Variants in TEKT5 observed in about 807,000 individuals in gnomAD.
TEKT5 encodes tektin-5.
Under a neutral mutation model 48.7 loss-of-function variants are expected in TEKT5, and 52 were observed. The ratio of observed to expected loss-of-function variants is 1.07; its 90% confidence interval spans 0.86 to 1.35. The LOEUF (loss-of-function observed/expected upper bound fraction) is 1.35, where lower values mean the gene tolerates loss of function less well. TEKT5 is among the 40% of genes most tolerant of loss of function. The pLI is 0.00. For missense variants in TEKT5, 831 were observed against 641.6 expected (o/e 1.30, Z -3.19); for synonymous variants, 318 against 267.6 (o/e 1.19, Z -1.84).
In TEKT5 at chr16:10,686,292, C is replaced by A. The variant is rs531674826; in HGVS notation, c.719+2961G>T. ...CTCACACTGCAGACAAAAATCAACT[C>A]AAAATAGATTAAAGATTAGCTGGGC... is the stretch of plus-strand genomic sequence containing the variant. On this transcript the variant is annotated intron_variant, in intron 3 of 6. Transcript: ENST00000283025. 1.1e-4 allele frequency among the ~76,000 whole-genome samples: 17 copies of A among 152,058 alleles called. No individual in the cohort carries two copies. The East Asian group carries it at 2.5e-3, about 22-fold the overall frequency.
intron 5 of TEKT5, among the ~76,000 whole-genome samples, chr16:10,669,669 G>T (rs961112323): frequency 2.0e-5 from 3 of 152,112 alleles, no homozygotes; most frequent in African/African-American, 4.8e-5. Context: ...TTTCTCCATA[G>T]AAGTATCCCT....
rs188094996 is a variant in TEKT5, at chr16:10,678,194, G to A, written c.864-2013C>T. Among the ~76,000 whole-genome samples the A allele has an allele frequency of 5.4e-3, 818 of 152,254 alleles. 4 individuals are homozygous for A. Among genetic ancestry groups the A allele is most frequent in the Non-Finnish European group, 6.4e-3 (436 of 68,024 alleles). ...GCTCACTGCAACCTCTGTCTCCCAC[G>A]TTCAAGCAATTCTCCTGCCTCAGCC... On this transcript the variant is annotated intron_variant, in intron 4 of 6. Coordinates refer to ENST00000283025, the MANE Select transcript of TEKT5 (RefSeq NM_144674.2).
At chr16:10,670,715 A>C (rs2541505) in intron 5 of TEKT5, among the ~76,000 whole-genome samples, 46,900 of 151,964 alleles carry the variant, frequency 0.31, 8,808 homozygotes, top group East Asian at 0.54. Context: ...GGTGCATTTC[A>C]GATGGGTGCT....
chr16:10,644,064 A>G (rs1466159619), intron 5 of TEKT5, among the ~76,000 whole-genome samples: 3 of 152,188 alleles, frequency 2.0e-5, no homozygotes, highest in African/African-American at 7.2e-5. Context: ...AAAATAACAT[A>G]AAATCAATTT....
At chr16:10,679,204 T>C (rs1898702166) in intron 4 of TEKT5, among the ~76,000 whole-genome samples, 1 of 152,138 alleles carries the variant, frequency 6.6e-6, no homozygotes, top group African/African-American at 2.4e-5. Flanking sequence ...AGATGTTGCA[T>C]ATGAAGCTGT....
chr16:10,681,042 C>CA (rs35641359), intron 4 of TEKT5, among the ~76,000 whole-genome samples: 27,399 of 125,042 alleles, frequency 0.22, 3,443 homozygotes, highest in East Asian at 0.51. Context: ...AGAAAAATAC[C>CA]AAAAAAAAAA....
intron 5 of TEKT5, among the ~76,000 whole-genome samples, chr16:10,642,323 T>C (rs1898006386): frequency 2.0e-5 from 3 of 152,124 alleles, no homozygotes; most frequent in Non-Finnish European, 4.4e-5. Context: ...GCATTCACTG[T>C]CCACCAGGCC....
intron 3 of TEKT5, among the ~76,000 whole-genome samples, chr16:10,688,978 G>A (rs369602301): frequency 2.4e-4 from 37 of 152,310 alleles, no homozygotes; most frequent in African/African-American, 8.4e-4. Flanking sequence ...CGATGCACGG[G>A]TTGTGAGAGT....
intron 5 of TEKT5, among the ~76,000 whole-genome samples, chr16:10,644,304 A>G (rs537249173): frequency 6.6e-6 from 1 of 152,158 alleles, no homozygotes; most frequent in African/African-American, 2.4e-5. Flanking sequence ...CCCAGAGAGG[A>G]GCTGTAAACA....
chr16:10,663,941 T>G (rs1298339440), intron 5 of TEKT5, among the ~76,000 whole-genome samples: 1 of 152,210 alleles, frequency 6.6e-6, no homozygotes, highest in Admixed American at 6.5e-5. Context: ...GGCCAGCACA[T>G]GCATCAGCTG....
Position 10,694,547 on chromosome 16 carries a change from C to T in TEKT5, c.327G>A (p.Arg109=), listed in dbSNP as rs753620303. 2 of 1,605,388 alleles carry T rather than the reference C, an allele frequency of 1.2e-6. No individual in the cohort carries two copies. The highest frequency in any genetic ancestry group is 1.7e-5 in the Admixed American group (1 of 59,280). Residue 109 remains arginine (R), a synonymous_variant, in exon 1 of 7, where the codon CGG becomes CGA. Transcript: ENST00000283025. ...QLQVRGAEAS[R]LWASRLTDDS... is the part of the protein sequence containing the mutation. ...CATCCGTCAGCCGGCTGGCCCACAG[C>T]CGGGAGGCCTCGGCCCCACGCACCT...
chr16:10,689,183 T>G, intron 3 of TEKT5, 70 bp downstream of exon 3: 1 of 1,325,174 alleles, frequency 7.5e-7, no homozygotes, highest in Non-Finnish European at 1.0e-6. Flanking sequence ...ATCTGGCTTG[T>G]CCCCCAGAAA....
At chr16:10,672,592 T>G (rs748298142) in intron 5 of TEKT5, among the ~76,000 whole-genome samples, 6 of 152,108 alleles carry the variant, frequency 3.9e-5, no homozygotes, top group Non-Finnish European at 8.8e-5. Flanking sequence ...CGAGACTGTC[T>G]CAAAAAAACC....
At chr16:10,687,670 A>G (rs1199332006) in intron 3 of TEKT5, among the ~76,000 whole-genome samples, 4 of 152,234 alleles carry the variant, frequency 2.6e-5, no homozygotes, top group African/African-American at 9.6e-5. Flanking sequence ...GGAGAAACGC[A>G]TGAATCTGGG....
chr16:10,637,261 C>T (rs2142260751), intron 5 of TEKT5, among the ~76,000 whole-genome samples: 1 of 151,694 alleles, frequency 6.6e-6, no homozygotes, highest in South Asian at 2.1e-4. Flanking sequence ...GTCTCAAACT[C>T]CTGACCTCAA....
intron 5 of TEKT5, among the ~76,000 whole-genome samples, chr16:10,638,273 G>C (rs942715674): frequency 2.0e-5 from 3 of 152,212 alleles, no homozygotes; most frequent in South Asian, 2.1e-4. Flanking sequence ...ACCCGGAACT[G>C]AGACACTGGC....
chr16:10,671,501 T>C (rs1419103432), intron 5 of TEKT5, among the ~76,000 whole-genome samples: 1 of 152,218 alleles, frequency 6.6e-6, no homozygotes, highest in Non-Finnish European at 1.5e-5. Context: ...GGATGAGCCT[T>C]GAAGACATTA....
intron 4 of TEKT5, among the ~76,000 whole-genome samples, chr16:10,678,246 G>C (rs1471515625): frequency 6.6e-6 from 1 of 152,104 alleles, no homozygotes; most frequent in Non-Finnish European, 1.5e-5. Context: ...CTACAGGCGA[G>C]TGCCACCACA....
At chr16:10,652,994 G>A (rs1173061404) in intron 5 of TEKT5, among the ~76,000 whole-genome samples, 1 of 151,974 alleles carries the variant, frequency 6.6e-6, no homozygotes, top group Non-Finnish European at 1.5e-5. Context: ...CATGCACAGA[G>A]CTGGCATCTC....
Sources: allele counts gnomAD v4.1 joint callset (sites outside exome capture counted in the v4.1 genomes callset), GRCh38; gene constraint gnomAD v4.1.1; transcripts MANE v1.5; gene names NCBI Gene and HGNC (gene_info 2026-07-23, HGNC 2026-07-21).